Variants in FSD1L observed in about 807,000 individuals in gnomAD.
The protein encoded by FSD1L is FSD1-like protein.
A neutral mutation model predicts 71.6 loss-of-function variants in FSD1L; 45 were observed. That is an observed-to-expected ratio of 0.63 (90% CI 0.49 to 0.81). The LOEUF is 0.81. Ranked by LOEUF, FSD1L falls within the 30% of genes least tolerant of loss-of-function variation. The pLI is 0.00. For synonymous variants in FSD1L, 197 were observed against 207.2 expected (o/e 0.95, Z 0.42); for missense variants, 561 against 618.1 (o/e 0.91, Z 0.98).
chr9:105,533,663 C>T lies in FSD1L; in HGVS notation c.1026-830C>T, dbSNP rs189946568. 5.3e-4 allele frequency among the ~76,000 whole-genome samples: 80 copies of T among 150,916 alleles called. No homozygotes were observed. The Middle Eastern group carries it at 0.017, about 32-fold the overall frequency. On this transcript the variant is annotated intron_variant, in intron 10 of 13. Coordinates refer to ENST00000481272, the MANE Select transcript of FSD1L (RefSeq NM_001145313.3). ...GTCTCGAACTCCAGACTTCGAGATC[C>T]GCCTGTCTTGGCCTCTCAAATTGCT...
intron 7 of FSD1L, among the ~76,000 whole-genome samples, chr9:105,496,054 T>G (rs879943438): frequency 6.6e-6 from 1 of 152,166 alleles, no homozygotes; most frequent in Non-Finnish European, 1.5e-5. Flanking sequence ...TCTGGCTTTT[T>G]TTCCCCTTGA....
At chr9:105,471,337 G>A (rs147880855) in intron 4 of FSD1L, among the ~76,000 whole-genome samples, 82 of 152,086 alleles carry the variant, frequency 5.4e-4, no homozygotes, top group African/African-American at 1.8e-3. Flanking sequence ...TTGTTTGTCG[G>A]GACCTTCTTT....
chr9:105,526,729 T>C (rs915605215), intron 10 of FSD1L, among the ~76,000 whole-genome samples: 1 of 152,218 alleles, frequency 6.6e-6, no homozygotes, highest in Non-Finnish European at 1.5e-5. Context: ...TTCATTTTTT[T>C]CCCACAATCC....
chr9:105,537,811 C>A (rs578131982), intron 12 of FSD1L, among the ~76,000 whole-genome samples: 4 of 152,116 alleles, frequency 2.6e-5, no homozygotes, highest in Non-Finnish European at 5.9e-5. Context: ...AGCTATTAAG[C>A]CCTTATTGCC....
intron 7 of FSD1L, among the ~76,000 whole-genome samples, chr9:105,505,432 T>A (rs1833999611): frequency 6.6e-6 from 1 of 152,160 alleles, no homozygotes; most frequent in African/African-American, 2.4e-5. Flanking sequence ...GGCTAATTTT[T>A]GTGTTTTTAG....
intron 10 of FSD1L, chr9:105,525,218 G>A: frequency 6.2e-7 from 1 of 1,604,324 alleles, no homozygotes; most frequent in Non-Finnish European, 8.5e-7. Flanking sequence ...CGTAAAAGAT[G>A]GACTTTCCAG....
intron 7 of FSD1L, 67 bp downstream of exon 7, chr9:105,484,569 G>T: frequency 9.4e-7 from 1 of 1,068,768 alleles, no homozygotes. Flanking sequence ...TTTTTTTGCA[G>T]TGAACATTGG....
At chr9:105,460,794 A>G (rs1183391305) in intron 1 of FSD1L, among the ~76,000 whole-genome samples, 2 of 152,166 alleles carry the variant, frequency 1.3e-5, no homozygotes, top group Non-Finnish European at 2.9e-5. Context: ...TGTGATCCCA[A>G]GAAGTCTTCT....
At chr9:105,509,500 G>T (rs1428502584) in intron 9 of FSD1L, among the ~76,000 whole-genome samples, 1 of 152,108 alleles carries the variant, frequency 6.6e-6, no homozygotes, top group East Asian at 1.9e-4. Context: ...TATTGACTGG[G>T]TTTAATTCCA....
At chr9:105,465,861 G>C (rs1320202038) in intron 3 of FSD1L, among the ~76,000 whole-genome samples, 1 of 151,274 alleles carries the variant, frequency 6.6e-6, no homozygotes, top group African/African-American at 2.4e-5. Context: ...AGACAAAGAT[G>C]TTTACTCTCA....
rs1480364523 is a variant in FSD1L at position 105,548,349 on chromosome 9, T to G, written c.*1866T>G. The stretch of plus-strand genomic sequence containing the variant: ...ACCTGAAAGCAGAAATTTTTAGTAG[T>G]TGAGTTGCTTTAAGTGAATTTTAAC... On this transcript the variant is annotated 3_prime_UTR_variant, in exon 14 of 14. Transcript: ENST00000481272. 1.3e-5 allele frequency: 2 copies of G among 152,548 alleles called. No individual in the cohort carries two copies. Among genetic ancestry groups the G allele is most frequent in the Admixed American group, 1.3e-4 (2 of 15,262 alleles). The allele number at this position is 152,548 out of a possible 1,614,324, so 9.4% of individuals were successfully genotyped here.
chr9:105,442,999 C>G (rs942046138), upstream of FSD1L, among the ~76,000 whole-genome samples: 1 of 152,236 alleles, frequency 6.6e-6, no homozygotes, highest in Non-Finnish European at 1.5e-5. Flanking sequence ...CATATCCACT[C>G]TGAGTTTTTC....
At chr9:105,476,131 T>C (rs1313496251) in intron 5 of FSD1L, among the ~76,000 whole-genome samples, 4 of 152,246 alleles carry the variant, frequency 2.6e-5, no homozygotes, top group African/African-American at 9.6e-5. Flanking sequence ...AAAAGATCTG[T>C]TAACTTTTTT....
chr9:105,491,007 A>G (rs1340155812), intron 7 of FSD1L, among the ~76,000 whole-genome samples: 1 of 151,480 alleles, frequency 6.6e-6, no homozygotes, highest in Non-Finnish European at 1.5e-5. Flanking sequence ...TTGGTTCCAT[A>G]TGAACTTTAA....
chr9:105,504,576 T>A (rs538735106), intron 7 of FSD1L, among the ~76,000 whole-genome samples: 1 of 152,208 alleles, frequency 6.6e-6, no homozygotes, highest in East Asian at 1.9e-4. Flanking sequence ...TTAGCAAGAG[T>A]CATCTCTCAG....
chr9:105,466,492 A>G (rs1029310560), intron 3 of FSD1L, among the ~76,000 whole-genome samples: 1 of 152,194 alleles, frequency 6.6e-6, no homozygotes, highest in African/African-American at 2.4e-5. Flanking sequence ...CAGGAGTTCA[A>G]GACCAGCCTG....
rs935624501 is a variant in FSD1L at position 105,506,317 on chromosome 9, G to T, written c.587-82G>T. 5.9e-5 allele frequency: 62 copies of T among 1,045,790 alleles called. 1 individual carries two copies. In the South Asian group the frequency reaches 8.9e-4, roughly 15 times the overall value. The allele number at this position is 1,045,790 out of a possible 1,614,324, so 64.8% of individuals were successfully genotyped here. A position where few individuals can be genotyped will look rare whatever the true frequency, so the allele number is the denominator to read the frequency against. Reference sequence around the variant, plus strand: ...AGCATAATGAAAAAGCAGTTTGAATGATATAAATGTGATATCAATATTTGA... The same window carrying T: ...AGCATAATGAAAAAGCAGTTTGAATTATATAAATGTGATATCAATATTTGA... On this transcript the variant is annotated intron_variant, in intron 7 of 13. Transcript: ENST00000481272.
chr9:105,519,863 C>T (rs946809485), intron 10 of FSD1L, among the ~76,000 whole-genome samples: 2 of 152,146 alleles, frequency 1.3e-5, no homozygotes, highest in African/African-American at 4.8e-5. Context: ...GCGGCCAGCC[C>T]GGGTCTACCT....
At position 105,512,887 on chromosome 9, in the gene FSD1L, G is replaced by A; in HGVS notation, c.976G>A (p.Gly326Arg). The A allele has an allele frequency of 1.9e-6, 3 of 1,542,236 alleles. No individual in the cohort carries two copies. The highest frequency in any genetic ancestry group is 2.6e-6 in the Non-Finnish European group (3 of 1,142,606). Residue 326 changes from glycine (G) to arginine (R), a missense_variant, in exon 10 of 14, where the codon GGA (glycine) becomes AGA (arginine). Around this residue, in one of 3 missense-constraint regions of FSD1L, gnomAD observed 410 missense variants for 413.5 expected, o/e 0.99. Coordinates refer to ENST00000481272, the MANE Select transcript of FSD1L (RefSeq NM_001145313.3). Reference sequence around the variant, plus strand: ...TACATGTGTAGAGTGGGATCCTACTGGAGGAAAAGGTCAAGAAAGTAAAAT... The same window carrying A: ...TACATGTGTAGAGTGGGATCCTACTAGAGGAAAAGGTCAAGAAAGTAAAAT... ...EDTCVEWDPT[G>R]GKGQESKIKG...
Sources: gnomAD v4.1 joint callset for allele counts (sites outside exome capture counted in the v4.1 genomes callset) on GRCh38, gnomAD v4.1.1 for gene constraint, gnomAD v4.1.1 regional missense constraint, MANE v1.5 for transcripts, NCBI Gene and HGNC (gene_info 2026-07-23, HGNC 2026-07-21) for gene names.